ZNF254: variants seen among roughly 807,000 people sequenced by gnomAD.
The protein encoded by ZNF254 is CTD-2017D11.1.
ZNF254 carries 10 observed loss-of-function variants against 12.4 expected under a neutral mutation model. The ratio of observed to expected loss-of-function variants is 0.80; its 90% CI spans 0.50 to 1.36. The LOEUF (loss-of-function observed/expected upper bound fraction) is 1.36, where lower values mean the gene tolerates loss of function less well. Among genes scored for constraint, ZNF254 ranks in the 40% most tolerant of loss-of-function variants. The probability of loss-of-function intolerance (pLI) is 0.00; values close to 1 mark genes in which losing one functional copy is unlikely to be tolerated. For missense variants in ZNF254, 996 were observed against 763.9 expected, an observed-to-expected ratio of 1.30 and a Z score of -3.58; for synonymous variants, 305 against 253.4, an observed-to-expected ratio of 1.20 and a Z score of -1.93.
At chr19:24,042,084 CTG>C (rs1970191847) in intron 1 of ZNF254, among the ~76,000 whole-genome samples, 1 of 120,834 alleles carries the variant, frequency 8.3e-6, no homozygotes, top group East Asian at 2.6e-4. Flanking sequence ...AATCGGCACT[CTG>C]TATCTAGCTC....
chr19:24,126,761 C>G lies in ZNF254; in HGVS notation c.761C>G (p.Thr254Ser). Residue 254 changes from threonine (T) to serine (S), a missense_variant, in exon 4 of 4, where the codon ACT becomes AGT. Transcript: ENST00000357002. The part of the protein sequence containing the change: ...NKSPKQLSTL[T>S]THEIIHAGEK... ...TCTCCTAAGCAACTCTCAACCCTTA[C>G]TACACATGAAATAATTCATGCTGGA... The G allele has an allele frequency of 6.2e-7, 1 of 1,613,366 alleles. No individual in the cohort carries two copies. The highest frequency in any genetic ancestry group is 8.5e-7 in the Non-Finnish European group (1 of 1,179,752).
At chr19:24,099,578 G>T (rs1244997209) in intron 1 of ZNF254, among the ~76,000 whole-genome samples, 2 of 152,180 alleles carry the variant, frequency 1.3e-5, no homozygotes, top group African/African-American at 4.8e-5. Flanking sequence ...TCTACCTTAA[G>T]CAGTTACCTG....
intron 2 of ZNF254, among the ~76,000 whole-genome samples, chr19:24,081,768 G>C (rs1456195587): frequency 1.3e-5 from 2 of 152,106 alleles, no homozygotes; most frequent in African/African-American, 4.8e-5. Flanking sequence ...CACCTTTACC[G>C]TTTGGATTGA....
At chr19:24,064,721 T>A (rs1193667832) in intron 2 of ZNF254, 2 of 152,146 alleles carry the variant, frequency 1.3e-5, no homozygotes, top group Non-Finnish European at 2.9e-5. Context: ...GAGATGGGGT[T>A]TCTTCATGTT....
chr19:24,086,666 G>T (rs561087399), upstream of ZNF254, among the ~76,000 whole-genome samples: 10 of 152,084 alleles, frequency 6.6e-5, no homozygotes, highest in African/African-American at 2.4e-4. Flanking sequence ...TAGTAGAGAT[G>T]AGGTTTCACC....
intron 1 of ZNF254, among the ~76,000 whole-genome samples, chr19:24,043,110 G>A (rs1439433001): frequency 6.6e-6 from 1 of 151,896 alleles, no homozygotes; most frequent in Non-Finnish European, 1.5e-5. Flanking sequence ...TCTAAAAAAG[G>A]TATCAGTTTT....
At chr19:24,112,848 A>G (rs1440865173) in intron 3 of ZNF254, among the ~76,000 whole-genome samples, 4 of 152,186 alleles carry the variant, frequency 2.6e-5, no homozygotes, top group Non-Finnish European at 4.4e-5. Context: ...TAAAGGGAAT[A>G]TCACCACTGA....
At chr19:24,125,942 A>G (rs926878011) in intron 3 of ZNF254, among the ~76,000 whole-genome samples, 4 of 152,362 alleles carry the variant, frequency 2.6e-5, no homozygotes, top group Non-Finnish European at 5.9e-5. Context: ...TAAAGACACT[A>G]TGGTATAGTG....
At chr19:24,116,928 T>C (rs1427019715) in intron 3 of ZNF254, among the ~76,000 whole-genome samples, 1 of 152,188 alleles carries the variant, frequency 6.6e-6, no homozygotes, top group South Asian at 2.1e-4. Flanking sequence ...GACCCTCAGC[T>C]GCAGGTCTGT....
chr19:24,082,235 G>C (rs930652269), upstream of ZNF254, among the ~76,000 whole-genome samples: 2 of 151,648 alleles, frequency 1.3e-5, no homozygotes, highest in Non-Finnish European at 2.9e-5. Flanking sequence ...TAAAAACATT[G>C]TAACTATGGT....
intron 1 of ZNF254, among the ~76,000 whole-genome samples, chr19:24,041,487 C>T (rs569462665): frequency 1.2e-4 from 18 of 152,366 alleles, no homozygotes; most frequent in East Asian, 1.2e-3. Flanking sequence ...GTACTGAGTC[C>T]CCCAGCAGTG....
At chr19:24,033,802 G>T (rs1969855794) in intron 1 of ZNF254, among the ~76,000 whole-genome samples, 1 of 152,174 alleles carries the variant, frequency 6.6e-6, no homozygotes, top group Admixed American at 6.5e-5. Flanking sequence ...GTTCAGCCCC[G>T]TCCCTGCGGC....
At chr19:24,042,954 T>G (rs1349602897) in intron 1 of ZNF254, among the ~76,000 whole-genome samples, 1 of 152,206 alleles carries the variant, frequency 6.6e-6, no homozygotes, top group Admixed American at 6.5e-5. Context: ...ATTTCCCAAG[T>G]GAGGTTTATA....
chr19:24,093,410 G>T (rs1164061433), intron 1 of ZNF254, among the ~76,000 whole-genome samples: 3 of 152,008 alleles, frequency 2.0e-5, no homozygotes, highest in Middle Eastern at 6.3e-3. Flanking sequence ...ATCTTCCAGG[G>T]TTTTTTATAA....
intron 1 of ZNF254, among the ~76,000 whole-genome samples, chr19:24,038,695 G>T (rs369368304): frequency 1.2e-4 from 18 of 152,144 alleles, no homozygotes; most frequent in East Asian, 9.6e-4. Context: ...ACACACAATT[G>T]TGCAGTAAAG....
chr19:24,035,940 G>A (rs1246549670), intron 1 of ZNF254, among the ~76,000 whole-genome samples: 1 of 152,136 alleles, frequency 6.6e-6, no homozygotes, highest in East Asian at 1.9e-4. Context: ...GCTCTTACCT[G>A]CCCACTTCAT....
intron 2 of ZNF254, among the ~76,000 whole-genome samples, chr19:24,052,081 G>C (rs754267869): frequency 6.6e-6 from 1 of 152,112 alleles, no homozygotes; most frequent in Non-Finnish European, 1.5e-5. Flanking sequence ...ATAAGGGGTA[G>C]TGTGACATAT....
intron 2 of ZNF254, among the ~76,000 whole-genome samples, chr19:24,056,032 G>C (rs1288026171): frequency 6.6e-6 from 1 of 152,196 alleles, no homozygotes; most frequent in Non-Finnish European, 1.5e-5. Context: ...AGATGGAATA[G>C]TGACACATAG....
chr19:24,119,470 G>C (rs1049058548), intron 3 of ZNF254, among the ~76,000 whole-genome samples: 2 of 152,014 alleles, frequency 1.3e-5, no homozygotes, highest in African/African-American at 4.8e-5. Flanking sequence ...GGGATTACAT[G>C]TGTGAGCCAC....
Sources: allele counts gnomAD v4.1 joint callset (sites outside exome capture counted in the v4.1 genomes callset), GRCh38; gene constraint gnomAD v4.1.1; transcripts MANE v1.5; gene names NCBI Gene and HGNC (gene_info 2026-07-23, HGNC 2026-07-21).